Variants in AGBL4 observed in about 807,000 individuals in gnomAD.
AGBL4 encodes AGBL carboxypeptidase 4.
Under a neutral mutation model 66.4 loss-of-function variants are expected in AGBL4, and 58 were observed. The observed-to-expected ratio is 0.87, with a 90% confidence interval of 0.71 to 1.09. The LOEUF (loss-of-function observed/expected upper bound fraction) is 1.09, where lower values mean the gene tolerates loss of function less well. Among genes scored for constraint, AGBL4 ranks in the 50% least tolerant of loss-of-function variants. The pLI is 0.00. For synonymous variants in AGBL4, 234 were observed against 222.9 expected (o/e 1.05, Z -0.44); for missense variants, 579 against 631.0 (o/e 0.92, Z 0.88).
chr1:49,109,067 C>A (rs988172434), intron 4 of AGBL4, among the ~76,000 whole-genome samples: 1 of 152,118 alleles, frequency 6.6e-6, no homozygotes, highest in Non-Finnish European at 1.5e-5. Context: ...GCACAACCTC[C>A]TTTTTCAAAA....
intron 9 of AGBL4, among the ~76,000 whole-genome samples, chr1:48,615,243 AT>A (rs1645299376): frequency 6.6e-6 from 1 of 152,202 alleles, no homozygotes; most frequent in African/African-American, 2.4e-5. Flanking sequence ...GAATCTTTGA[AT>A]ACCAAACTGG....
chr1:49,708,923 A>G (rs1184107455), intron 2 of AGBL4, among the ~76,000 whole-genome samples: 5 of 152,192 alleles, frequency 3.3e-5, no homozygotes, highest in Non-Finnish European at 5.9e-5. Context: ...TCCTTCCTCT[A>G]GAACCTTCCT....
intron 3 of AGBL4, among the ~76,000 whole-genome samples, chr1:49,564,471 G>A (rs933148337): frequency 2.0e-5 from 3 of 152,100 alleles, no homozygotes; most frequent in Non-Finnish European, 4.4e-5. Flanking sequence ...TCTACACACT[G>A]CTTTGAATGT....
chr1:49,076,706 C>T (rs939866855), intron 4 of AGBL4, among the ~76,000 whole-genome samples: 7 of 152,126 alleles, frequency 4.6e-5, no homozygotes, highest in African/African-American at 1.4e-4. Context: ...AAAAGACTCC[C>T]ATATATAATT....
At chr1:49,546,324 CATAT>C (rs1652480642) in intron 3 of AGBL4, among the ~76,000 whole-genome samples, 1 of 150,040 alleles carries the variant, frequency 6.7e-6, no homozygotes, top group Admixed American at 6.7e-5. Flanking sequence ...TATATTCCAT[CATAT>C]ATATTTACAT....
chr1:49,406,392 A>AATCTTACCT (rs1645197961), intron 3 of AGBL4, among the ~76,000 whole-genome samples: 1 of 152,160 alleles, frequency 6.6e-6, no homozygotes, highest in South Asian at 2.1e-4. Context: ...TTACCTACAA[A>AATCTTACCT]TGTGATATAA....
chr1:49,640,201 A>G (rs1350242387), intron 3 of AGBL4, among the ~76,000 whole-genome samples: 1 of 152,198 alleles, frequency 6.6e-6, no homozygotes, highest in Admixed American at 6.6e-5. Context: ...AGCTTTACTC[A>G]TTAGACAACT....
chr1:49,968,948 T>C (rs1315022267), intron 1 of AGBL4, among the ~76,000 whole-genome samples: 2 of 152,236 alleles, frequency 1.3e-5, no homozygotes, highest in East Asian at 3.9e-4. Context: ...ACCATTGTTA[T>C]GTTAAGGTTT....
intron 3 of AGBL4, among the ~76,000 whole-genome samples, chr1:49,333,971 T>G (rs908720187): frequency 1.3e-5 from 2 of 152,192 alleles, no homozygotes; most frequent in African/African-American, 4.8e-5. Context: ...GCTCCTACAA[T>G]TGACCAGGTT....
intron 1 of AGBL4, among the ~76,000 whole-genome samples, chr1:49,928,043 C>A (rs1652966430): frequency 6.6e-6 from 1 of 151,350 alleles, no homozygotes; most frequent in Non-Finnish European, 1.5e-5. Flanking sequence ...CTTTTAGAAA[C>A]AAAAATATAT....
At chr1:49,979,799 C>T (rs1284538795) in intron 1 of AGBL4, among the ~76,000 whole-genome samples, 1 of 152,134 alleles carries the variant, frequency 6.6e-6, no homozygotes, top group Non-Finnish European at 1.5e-5. Flanking sequence ...ATGTGGAATG[C>T]CACTAGTGAT....
chr1:49,025,410 A>G (rs1387310609), intron 5 of AGBL4, among the ~76,000 whole-genome samples: 1 of 152,176 alleles, frequency 6.6e-6, no homozygotes, highest in Non-Finnish European at 1.5e-5. Context: ...GTTTATGGAG[A>G]AGGCCAATAA....
intron 5 of AGBL4, among the ~76,000 whole-genome samples, chr1:48,994,722 C>T (rs1183753053): frequency 6.6e-6 from 1 of 151,964 alleles, no homozygotes; most frequent in Non-Finnish European, 1.5e-5. Flanking sequence ...TTTTTATGAA[C>T]TCATAAATCA....
At chr1:49,578,492 T>G (rs748131324) in intron 3 of AGBL4, among the ~76,000 whole-genome samples, 4 of 152,234 alleles carry the variant, frequency 2.6e-5, no homozygotes, top group Non-Finnish European at 4.4e-5. Flanking sequence ...TATGACCACA[T>G]GACCAGCTGC....
At chr1:49,409,498 T>A (rs987242749) in intron 3 of AGBL4, among the ~76,000 whole-genome samples, 3 of 151,914 alleles carry the variant, frequency 2.0e-5, no homozygotes, top group Admixed American at 6.6e-5. Context: ...CTAATAGGGG[T>A]GCAAACACAA....
chr1:48,971,110 A>C (rs537581513), intron 5 of AGBL4, among the ~76,000 whole-genome samples: 1 of 152,248 alleles, frequency 6.6e-6, no homozygotes, highest in East Asian at 1.9e-4. Context: ...AGGGGTCCCC[A>C]AACCCCCAGC....
intron 2 of AGBL4, among the ~76,000 whole-genome samples, chr1:49,820,051 TTG>T (rs1424680662): frequency 1.3e-5 from 2 of 152,182 alleles, no homozygotes; most frequent in African/African-American, 4.8e-5. Flanking sequence ...CATGTCCTGC[TTG>T]TGTGAGACTT....
intron 3 of AGBL4, among the ~76,000 whole-genome samples, chr1:49,526,884 T>C (rs1158021536): frequency 6.6e-6 from 1 of 152,208 alleles, no homozygotes. Flanking sequence ...TTCTTAAAGG[T>C]AAAAGCAGTA....
intron 1 of AGBL4, among the ~76,000 whole-genome samples, chr1:49,865,124 T>C (rs772301208): frequency 5.3e-5 from 8 of 152,068 alleles, no homozygotes; most frequent in Non-Finnish European, 1.0e-4. Context: ...ATGGAGCCAC[T>C]AAGGAGAGGG....
Sources: allele counts gnomAD v4.1 joint callset (sites outside exome capture counted in the v4.1 genomes callset), GRCh38; gene constraint gnomAD v4.1.1; transcripts MANE v1.5; gene names NCBI Gene and HGNC (gene_info 2026-07-23, HGNC 2026-07-21).